Variants in ATXN1 observed in about 807,000 individuals in gnomAD.
ATXN1 encodes ataxin-1.
In ATXN1, 8 loss-of-function variants were observed where a neutral mutation model predicts 56.4. That is an observed-to-expected ratio of 0.14 (90% CI 0.08 to 0.26). The LOEUF (loss-of-function observed/expected upper bound fraction) is 0.26. Ranked by LOEUF, ATXN1 falls within the 10% of genes least tolerant of loss-of-function variation. The pLI is 1.00. For synonymous variants in ATXN1, 514 were observed against 494.6 expected (o/e 1.04, Z -0.52); for missense variants, 987 against 1,106.5 (o/e 0.89, Z 1.53).
intron 6 of ATXN1, among the ~76,000 whole-genome samples, chr6:16,349,792 T>A (rs972025882): frequency 6.6e-6 from 1 of 152,204 alleles, no homozygotes; most frequent in Admixed American, 6.5e-5. Flanking sequence ...GAACAAATGG[T>A]CAATTACATC....
intron 4 of ATXN1, among the ~76,000 whole-genome samples, chr6:16,551,306 CAG>C (rs1189574507): frequency 6.6e-6 from 1 of 152,130 alleles, no homozygotes; most frequent in Non-Finnish European, 1.5e-5. Flanking sequence ...TTGGTGAAAA[CAG>C]AGAATATATT....
At chr6:16,627,864 G>A (rs1370716400) in intron 3 of ATXN1, among the ~76,000 whole-genome samples, 3 of 152,142 alleles carry the variant, frequency 2.0e-5, no homozygotes, top group African/African-American at 7.2e-5. Context: ...ATAAGTCGAA[G>A]CAACATGAAG....
Position 16,708,682 on chromosome 6 carries a change from T to C in ATXN1, c.-615+44551A>G, listed in dbSNP as rs182339605. 2.1e-3 allele frequency among the ~76,000 whole-genome samples: 315 copies of C among 152,080 alleles called. 1 individual carries two copies. Among genetic ancestry groups the C allele is most frequent in the South Asian group, 0.012 (60 of 4,830 alleles). Reference sequence around the variant, plus strand: ...AAGATACATCAATCTTAAAAGTGTGTGTACCTAGGAACAGAAAAAAAAAGA... The same window carrying C: ...AAGATACATCAATCTTAAAAGTGTGCGTACCTAGGAACAGAAAAAAAAAGA... On this transcript the variant is annotated intron_variant, in intron 2 of 7. Transcript: ENST00000436367.
chr6:16,332,101 C>T (rs1364548197), intron 6 of ATXN1, among the ~76,000 whole-genome samples: 1 of 152,198 alleles, frequency 6.6e-6, no homozygotes, highest in Non-Finnish European at 1.5e-5. Context: ...CGAGCTGGGG[C>T]CAAACCGATA....
intron 2 of ATXN1, among the ~76,000 whole-genome samples, chr6:16,714,177 CACACCACA>C (rs1759587896): frequency 4.5e-5 from 1 of 22,244 alleles, no homozygotes; most frequent in Non-Finnish European, 7.5e-5. Flanking sequence ...AAAAAAACCA[CACACCACA>C]CACACACACA....
chr6:16,694,422 T>A (rs1759117057), intron 2 of ATXN1, among the ~76,000 whole-genome samples: 1 of 152,056 alleles, frequency 6.6e-6, no homozygotes, highest in South Asian at 2.1e-4. Flanking sequence ...CCCAGCTAAT[T>A]TTTTGTATTT....
intron 2 of ATXN1, among the ~76,000 whole-genome samples, chr6:16,740,807 C>G (rs546207251): frequency 6.6e-6 from 1 of 152,116 alleles, no homozygotes; most frequent in Non-Finnish European, 1.5e-5. Context: ...CACTGGGATT[C>G]GAGGCATGAG....
chr6:16,338,337 C>CA (rs1024971388), intron 6 of ATXN1, among the ~76,000 whole-genome samples: 5 of 151,940 alleles, frequency 3.3e-5, no homozygotes, highest in African/African-American at 1.2e-4. Flanking sequence ...ACTAAAAATA[C>CA]AAAAAATGAG....
chr6:16,384,840 T>C (rs890568710), intron 6 of ATXN1, among the ~76,000 whole-genome samples: 1 of 152,226 alleles, frequency 6.6e-6, no homozygotes, highest in Non-Finnish European at 1.5e-5. Flanking sequence ...CATGAGCCAA[T>C]TAAACCTCTT....
At chr6:16,441,819 T>A (rs987240018) in intron 6 of ATXN1, among the ~76,000 whole-genome samples, 2 of 151,916 alleles carry the variant, frequency 1.3e-5, no homozygotes, top group Non-Finnish European at 2.9e-5. Flanking sequence ...GAGAAAGTGT[T>A]AAACATCAAA....
intron 3 of ATXN1, among the ~76,000 whole-genome samples, chr6:16,625,942 T>C (rs1262041127): frequency 6.6e-6 from 1 of 152,188 alleles, no homozygotes; most frequent in Non-Finnish European, 1.5e-5. Flanking sequence ...CTTGCCACCA[T>C]GGAAGATGTG....
chr6:16,508,601 A>AT (rs935309048), intron 5 of ATXN1, among the ~76,000 whole-genome samples: 1 of 152,270 alleles, frequency 6.6e-6, no homozygotes, highest in African/African-American at 2.4e-5. Flanking sequence ...TATCAAATAC[A>AT]TTTTTTTAAC....
At chr6:16,733,754 G>A in intron 2 of ATXN1, among the ~76,000 whole-genome samples, 1 of 152,262 alleles carries the variant, frequency 6.6e-6, no homozygotes, top group East Asian at 1.9e-4. Flanking sequence ...GGCTGAGGCA[G>A]GAGAATCACT....
intron 4 of ATXN1, among the ~76,000 whole-genome samples, chr6:16,565,761 A>G (rs367870668): frequency 2.0e-5 from 3 of 152,320 alleles, no homozygotes; most frequent in East Asian, 3.9e-4. Flanking sequence ...GTCTCTTTAA[A>G]TGTTAATAAA....
At chr6:16,444,858 A>G (rs1032469121) in intron 6 of ATXN1, among the ~76,000 whole-genome samples, 7 of 152,218 alleles carry the variant, frequency 4.6e-5, no homozygotes, top group African/African-American at 1.7e-4. Flanking sequence ...CCAACTATGA[A>G]GCAGTCAGGC....
At chr6:16,711,079 A>G (rs1759512516) in intron 2 of ATXN1, among the ~76,000 whole-genome samples, 1 of 152,204 alleles carries the variant, frequency 6.6e-6, no homozygotes, top group Non-Finnish European at 1.5e-5. Flanking sequence ...ACAATATAGT[A>G]TTGACCTAAG....
At chr6:16,473,258 G>A (rs1288570441) in intron 6 of ATXN1, among the ~76,000 whole-genome samples, 1 of 152,122 alleles carries the variant, frequency 6.6e-6, no homozygotes, top group African/African-American at 2.4e-5. Context: ...AAAATACCCA[G>A]CCACTCCGAC....
chr6:16,435,777 C>T (rs1759376004), intron 6 of ATXN1, among the ~76,000 whole-genome samples: 1 of 152,106 alleles, frequency 6.6e-6, no homozygotes, highest in Non-Finnish European at 1.5e-5. Context: ...CTGTTAGGGC[C>T]CAGGTTCCCC....
intron 6 of ATXN1, among the ~76,000 whole-genome samples, chr6:16,392,582 G>A (rs1034605690): frequency 5.9e-5 from 9 of 151,684 alleles, no homozygotes; most frequent in East Asian, 1.9e-4. Context: ...TGCAACCTCC[G>A]CCTTCTAGGT....
Sources: gnomAD v4.1 joint callset for allele counts (sites outside exome capture counted in the v4.1 genomes callset) on GRCh38, gnomAD v4.1.1 for gene constraint, MANE v1.5 for transcripts, NCBI Gene and HGNC (gene_info 2026-07-23, HGNC 2026-07-21) for gene names.